Variants in SERPING1 observed in about 807,000 individuals in gnomAD.
SERPING1 encodes the protein serpin family G member 1, also known as plasma protease C1 inhibitor.
A neutral mutation model predicts 34.1 loss-of-function variants in SERPING1; 5 were observed. The observed-to-expected ratio is 0.15, with a 90% CI of 0.08 to 0.31. SERPING1 has a LOEUF of 0.31. Ranked by LOEUF, SERPING1 falls within the 10% of genes least tolerant of loss-of-function variation. SERPING1 has a pLI of 1.00. For synonymous variants in SERPING1, 225 were observed against 242.4 expected, an observed-to-expected ratio of 0.93 and a Z score of 0.67; for missense variants, 505 against 609.5, an observed-to-expected ratio of 0.83 and a Z score of 1.81.
chr11:57,605,685 T>C, intron 4 of SERPING1: 1 of 375,152 alleles, frequency 2.7e-6, no homozygotes, highest in Non-Finnish European at 5.1e-6. Flanking sequence ...GTCTATTCCG[T>C]GCCAAAATTA....
intron 6 of SERPING1, 65 bp from the exon 7 acceptor site, chr11:57,611,652 C>G (rs1439256069): frequency 7.0e-7 from 1 of 1,436,874 alleles, no homozygotes; most frequent in East Asian, 2.3e-5. Context: ...AGCATTGTGA[C>G]AGAGGGTGGG....
At chr11:57,598,219 A>C in intron 1 of SERPING1, 30 bp from the exon 2 acceptor site, 2 of 1,527,964 alleles carry the variant, frequency 1.3e-6, no homozygotes, top group Non-Finnish European at 1.8e-6. Flanking sequence ...CCAGGGTGGG[A>C]GCTGGCTCCG....
chr11:57,606,176 T>C lies in SERPING1; in HGVS notation c.852T>C (p.Asp284=). The C allele has an allele frequency of 1.2e-6, 2 of 1,614,172 alleles. No homozygotes were observed. Among genetic ancestry groups the C allele is most frequent in the African/African-American group, 1.3e-5 (1 of 75,054 alleles). ...GGCTGCTAGACAGTCTGCCCTCCGATACCCGCCTTGTCCTCCTCAATGCTA... is the reference window on the plus strand; with the variant it reads ...GGCTGCTAGACAGTCTGCCCTCCGACACCCGCCTTGTCCTCCTCAATGCTA... ...ISRLLDSLPS[D]TRLVLLNAIY... is the part of the protein sequence containing the mutation. Residue 284 remains aspartate (D), a synonymous_variant, in exon 5 of 8, where the codon GAT becomes GAC. Transcript: ENST00000278407.
At chr11:57,599,120 G>C (rs1945318905) in intron 2 of SERPING1, among the ~76,000 whole-genome samples, 1 of 152,122 alleles carries the variant, frequency 6.6e-6, no homozygotes, top group Non-Finnish European at 1.5e-5. Context: ...CTAATGCGTG[G>C]TTTCTCAGTG....
chr11:57,612,104 G>C (rs141701801), intron 7 of SERPING1, among the ~76,000 whole-genome samples, 168 bp downstream of exon 7: 2 of 152,336 alleles, frequency 1.3e-5, no homozygotes, highest in South Asian at 2.1e-4. Context: ...GGATCATTGT[G>C]GAAATGGAGG....
chr11:57,599,309 CA>C (rs1945321559), intron 2 of SERPING1, among the ~76,000 whole-genome samples: 1 of 152,164 alleles, frequency 6.6e-6, no homozygotes, highest in Non-Finnish European at 1.5e-5. Context: ...CCCTGGGAGT[CA>C]AAATTGTTTC....
At chr11:57,598,459 T>A (rs1945312638) in intron 2 of SERPING1, 138 bp downstream of exon 2, 2 of 819,122 alleles carry the variant, frequency 2.4e-6, no homozygotes, top group Non-Finnish European at 1.9e-6. Flanking sequence ...TTGAGTGTGA[T>A]CCTTGCACAC....
chr11:57,602,754 C>CA (rs1211774204), intron 4 of SERPING1, among the ~76,000 whole-genome samples: 148 of 87,768 alleles, frequency 1.7e-3, no homozygotes, highest in South Asian at 2.8e-3. Context: ...GACTCCGTCT[C>CA]AAAAAAAAAA....
Position 57,600,039 on chromosome 11 carries a change from C to G in SERPING1, c.212C>G (p.Thr71Arg). The G allele has an allele frequency of 6.2e-7, 1 of 1,614,154 alleles. No individual in the cohort carries two copies. Among genetic ancestry groups the G allele is most frequent in the Non-Finnish European group, 8.5e-7 (1 of 1,180,030 alleles). ...EVSSLPTTNS[T>R]TNSATKITAN... is the part of the protein sequence containing the mutation. ...TCCAGCTTGCCGACAACCAACTCAACAACCAATTCAGCCACCAAAATAACA... is the reference window on the plus strand; with the variant it reads ...TCCAGCTTGCCGACAACCAACTCAAGAACCAATTCAGCCACCAAAATAACA... Residue 71 changes from threonine (T) to arginine (R), a missense_variant, in exon 3 of 8, where the codon ACA (threonine) becomes AGA (arginine). By Grantham distance (71) the Thr-to-Arg change is moderately conservative. Coordinates refer to ENST00000278407, the MANE Select transcript of SERPING1 (RefSeq NM_000062.3).
At chr11:57,604,262 C>T (rs1945383685) in intron 4 of SERPING1, among the ~76,000 whole-genome samples, 1 of 151,942 alleles carries the variant, frequency 6.6e-6, no homozygotes, top group South Asian at 2.1e-4. Flanking sequence ...AGTCTTGGGA[C>T]TCTAATTCTT....
intron 1 of SERPING1, chr11:57,598,012 G>C (rs1363625073): frequency 1.8e-6 from 1 of 559,812 alleles, no homozygotes; most frequent in Non-Finnish European, 3.3e-6. Context: ...TGAACAGATG[G>C]ACAGAGACCC....
intron 6 of SERPING1, chr11:57,611,498 A>G (rs1441069287): frequency 1.7e-6 from 1 of 597,092 alleles, no homozygotes; most frequent in South Asian, 1.9e-5. Flanking sequence ...TCAGAAACTC[A>G]TGCTCCTTCC....
chr11:57,609,376 C>T (rs568657132), intron 6 of SERPING1, among the ~76,000 whole-genome samples: 36 of 152,052 alleles, frequency 2.4e-4, no homozygotes, highest in African/African-American at 8.4e-4. Context: ...GTCAGGAGTT[C>T]GAGACCAGCT....
intron 4 of SERPING1, 153 bp from the exon 5 acceptor site, chr11:57,605,857 T>A (rs1227061116): frequency 1.3e-6 from 1 of 778,866 alleles, no homozygotes; most frequent in South Asian, 1.4e-5. Flanking sequence ...ATTTGCCACA[T>A]CTGTAAGAGG....
At chr11:57,610,905 T>C (rs1479499871) in intron 6 of SERPING1, among the ~76,000 whole-genome samples, 1 of 152,132 alleles carries the variant, frequency 6.6e-6, no homozygotes, top group Admixed American at 6.6e-5. Context: ...TTACATACTT[T>C]TGTCTGGTCA....
chr11:57,600,867 C>T (rs1197461856), intron 3 of SERPING1, among the ~76,000 whole-genome samples: 1 of 151,700 alleles, frequency 6.6e-6, no homozygotes, highest in African/African-American at 2.4e-5. Flanking sequence ...AGGAGAATCG[C>T]TTGAACCCAG....
chr11:57,608,276 G>A lies in SERPING1; in HGVS notation c.1029+1729G>A, dbSNP rs113367252. 5.0e-3 allele frequency among the ~76,000 whole-genome samples: 767 copies of A among 152,242 alleles called. 3 individuals carry two copies. Among genetic ancestry groups the A allele is most frequent in the African/African-American group, 0.018 (729 of 41,532 alleles). On this transcript the variant is annotated intron_variant, in intron 6 of 7. Transcript: ENST00000278407. ...AAGTTAGGTTTAAATGTAACTATTC[G>A]AATTATAAGAACAAGTATTTCCTCT...
intron 4 of SERPING1, among the ~76,000 whole-genome samples, chr11:57,603,779 C>T: frequency 6.8e-6 from 1 of 146,186 alleles, no homozygotes; most frequent in African/African-American, 2.6e-5. Context: ...GCGGAGCTTG[C>T]AGTGAGCCGA....
In SERPING1 at chr11:57,606,005, C is replaced by G. The variant is rs28362952; in HGVS notation, c.686-5C>G. 2.1e-4 allele frequency: 335 copies of G among 1,613,786 alleles called. No individual in the cohort carries two copies. Among genetic ancestry groups the G allele is most frequent in the Non-Finnish European group, 2.7e-4 (321 of 1,179,852 alleles). On this transcript the variant is annotated splice_polypyrimidine_tract_variant and splice_region_variant and intron_variant, in intron 4 of 7. Coordinates refer to ENST00000278407, the MANE Select transcript of SERPING1 (RefSeq NM_000062.3). ...TCATGCCTCCCTTTCTCAACATACC[C>G]CCAGACCTGGCCATAAGGGACACCT...
Sources: gnomAD v4.1 joint callset for allele counts (sites outside exome capture counted in the v4.1 genomes callset) on GRCh38, gnomAD v4.1.1 for gene constraint, MANE v1.5 for transcripts, NCBI Gene and HGNC (gene_info 2026-07-23, HGNC 2026-07-21) for gene names.